Variants in TBCD observed in about 807,000 individuals in gnomAD.
TBCD encodes tubulin-specific chaperone D.
In TBCD, 105 loss-of-function variants were observed where a neutral mutation model predicts 169.3. That is an observed-to-expected ratio of 0.62 (90% CI 0.53 to 0.73). The LOEUF (loss-of-function observed/expected upper bound fraction) is 0.73, where lower values mean the gene tolerates loss of function less well. TBCD is among the 30% of genes least tolerant of loss of function. The pLI is 0.00. For missense variants in TBCD, 1,444 were observed against 1,600.1 expected (o/e 0.90, Z 1.66); for synonymous variants, 700 against 643.9 (o/e 1.09, Z -1.32).
chr17:82,856,443 C>CAAAGAAAA (rs1207424441), intron 13 of TBCD, among the ~76,000 whole-genome samples: 1 of 151,514 alleles, frequency 6.6e-6, no homozygotes, highest in Non-Finnish European at 1.5e-5. Flanking sequence ...CCTGTCTCTA[C>CAAAGAAAA]AAAGAAAAAA....
Position 82,930,408 on chromosome 17 carries a change from T to C in TBCD, c.2992-114T>C. 1 of 1,442,150 alleles carries C rather than the reference T, an allele frequency of 6.9e-7. No individual in the cohort carries two copies. Among genetic ancestry groups the C allele is most frequent in the South Asian group, 1.4e-5 (1 of 71,840 alleles). 89.3% of individuals were successfully genotyped at this position (1,442,150 alleles called of 1,614,324 possible). A position where few individuals can be genotyped will look rare whatever the true frequency, so the allele number is the denominator to read the frequency against. The stretch of plus-strand genomic sequence containing the variant: ...CCGCTTGGGGCCAGACCTTCGCGTC[T>C]CTGCAGCTCGGAGCAGTTCTGCTCT... On this transcript the variant is annotated intron_variant, in intron 32 of 38. Transcript: ENST00000355528. This position sits in a 1 kb window ranked among gnomAD's most constrained non-coding sequence, Gnocchi z 5.2.
chr17:82,889,603 A>C lies in TBCD; in HGVS notation c.1534-65A>C. The C allele has an allele frequency of 6.2e-7, 1 of 1,604,154 alleles. No individual in the cohort carries two copies. ...ATTCACGTTGTGCTGTTTGTTCTGAACTTGCCTCTGGTGTTGGCGGAAGCT... is the reference window on the plus strand; with the variant it reads ...ATTCACGTTGTGCTGTTTGTTCTGACCTTGCCTCTGGTGTTGGCGGAAGCT... On this transcript the variant is annotated intron_variant, in intron 15 of 38. Coordinates refer to ENST00000355528, the MANE Select transcript of TBCD (RefSeq NM_005993.5). The surrounding 1 kb of genome is among the most constrained non-coding windows in gnomAD (Gnocchi z 5.3).
intron 13 of TBCD, among the ~76,000 whole-genome samples, chr17:82,842,844 G>A (rs1598865942): frequency 1.4e-5 from 2 of 147,596 alleles, no homozygotes; most frequent in East Asian, 2.0e-4. Context: ...GCAGTGGCGC[G>A]ATCTCGGCTC....
intron 13 of TBCD, among the ~76,000 whole-genome samples, chr17:82,851,660 T>G: frequency 1.3e-5 from 2 of 151,482 alleles, no homozygotes; most frequent in Admixed American, 6.6e-5. Context: ...ATGAAGGAGG[T>G]GGAAGACAAA....
chr17:82,930,751 A>T lies in TBCD; in HGVS notation c.3113+108A>T. The T allele has an allele frequency of 6.6e-7, 1 of 1,525,846 alleles. No homozygotes were observed. The highest frequency in any genetic ancestry group is 8.9e-7 in the Non-Finnish European group (1 of 1,125,496). 94.5% of individuals were successfully genotyped at this position (1,525,846 alleles called of 1,614,324 possible). The stretch of plus-strand genomic sequence containing the variant: ...CAGGGTCTGTCTGGGGTCTGAAGGG[A>T]GAAGCGAGACACACGCTGTACCAGT... On this transcript the variant is annotated intron_variant, in intron 33 of 38. Transcript: ENST00000355528. The surrounding 1 kb of genome is among the most constrained non-coding windows in gnomAD (Gnocchi z 5.2).
chr17:82,861,356 C>CGCTGGTTCACGTCAGCT (rs869277723), intron 13 of TBCD, among the ~76,000 whole-genome samples: 1 of 3,752 alleles, frequency 2.7e-4, no homozygotes, highest in African/African-American at 1.1e-3. Context: ...TCACGTCAGC[C>CGCTGGTTCACGTCAGCT]GCTGGTTCAC....
chr17:82,764,811 G>A (rs1374437673), intron 3 of TBCD, among the ~76,000 whole-genome samples: 2 of 111,328 alleles, frequency 1.8e-5, no homozygotes, highest in Non-Finnish European at 3.5e-5. Context: ...GCTTGCGGGT[G>A]TCTGTGCTCA....
chr17:82,789,689 C>A lies in TBCD; in HGVS notation c.771+7968C>A, dbSNP rs1448139003. On this transcript the variant is annotated intron_variant, in intron 7 of 38. Coordinates refer to ENST00000355528, the MANE Select transcript of TBCD (RefSeq NM_005993.5). The surrounding 1 kb of genome is among the most constrained non-coding windows in gnomAD (Gnocchi z 4.8). ...GCACCTTCCCTCTAAGGCAGATGTCCCTCAGGCTTTGGTCCTGGCTGTTGA... is the reference window on the plus strand; with the variant it reads ...GCACCTTCCCTCTAAGGCAGATGTCACTCAGGCTTTGGTCCTGGCTGTTGA... Among the ~76,000 whole-genome samples the A allele has an allele frequency of 1.3e-5, 2 of 152,228 alleles. No homozygotes were observed. The highest frequency in any genetic ancestry group is 4.8e-5 in the African/African-American group (2 of 41,460).
intron 2 of TBCD, among the ~76,000 whole-genome samples, chr17:82,759,888 G>GTTTTTTTTT (rs71885635): frequency 8.2e-6 from 1 of 121,502 alleles, no homozygotes; most frequent in African/African-American, 3.0e-5. Flanking sequence ...TCGTTTGTTT[G>GTTTTTTTTT]TTTTTTTTTT....
chr17:82,824,218 A>G (rs1355148094), intron 13 of TBCD, among the ~76,000 whole-genome samples: 4 of 151,664 alleles, frequency 2.6e-5, no homozygotes, highest in African/African-American at 7.3e-5. Context: ...GTCTTGCTCT[A>G]TCACCCAGGC....
chr17:82,920,482 G>A lies in TBCD; in HGVS notation c.2039-74G>A. 1 of 1,337,700 alleles carries A rather than the reference G, an allele frequency of 7.5e-7. No homozygotes were observed. Among genetic ancestry groups the A allele is most frequent in the Non-Finnish European group, 1.0e-6 (1 of 974,102 alleles). The allele number at this position is 1,337,700 out of a possible 1,614,324, so 82.9% of individuals were successfully genotyped here. A position where few individuals can be genotyped will look rare whatever the true frequency, so the allele number is the denominator to read the frequency against. On this transcript the variant is annotated intron_variant, in intron 23 of 38. Transcript: ENST00000355528. This position sits in a 1 kb window ranked among gnomAD's most constrained non-coding sequence, Gnocchi z 4.1. ...CTGGCCGCACACAACTCAGAATGTGGCAAAGGCAAGCCGCTGTGGCAGGCG... is the reference window on the plus strand; with the variant it reads ...CTGGCCGCACACAACTCAGAATGTGACAAAGGCAAGCCGCTGTGGCAGGCG...
intron 13 of TBCD, among the ~76,000 whole-genome samples, chr17:82,861,876 A>T (rs1452446722): frequency 1.3e-5 from 2 of 152,154 alleles, no homozygotes; most frequent in Non-Finnish European, 2.9e-5. Context: ...GTTTAAAATT[A>T]TTAAGAGGTA....
intron 22 of TBCD, among the ~76,000 whole-genome samples, chr17:82,909,936 C>T (rs565049226): frequency 2.0e-5 from 3 of 152,148 alleles, no homozygotes; most frequent in African/African-American, 2.4e-5. Context: ...AATTTGCTAC[C>T]GAGGGTGTCA....
intron 13 of TBCD, among the ~76,000 whole-genome samples, chr17:82,845,125 C>CA (rs2054900640): frequency 1.3e-5 from 2 of 152,106 alleles, no homozygotes; most frequent in Non-Finnish European, 1.5e-5. Flanking sequence ...GCCTCTGTGT[C>CA]AGGGCCTCTT....
At chr17:82,897,620 C>T (rs974569730) in intron 17 of TBCD, among the ~76,000 whole-genome samples, 4 of 152,044 alleles carry the variant, frequency 2.6e-5, no homozygotes, top group African/African-American at 9.7e-5. Context: ...TTAAGTGTGG[C>T]AGCGGGTTTG....
intron 13 of TBCD, among the ~76,000 whole-genome samples, chr17:82,845,257 C>G (rs2054915905): frequency 6.6e-6 from 1 of 152,134 alleles, no homozygotes. Flanking sequence ...CCAGCTCAGC[C>G]CCTTCCTGTC....
chr17:82,824,267 C>T (rs1482077966), intron 13 of TBCD, among the ~76,000 whole-genome samples: 11 of 150,872 alleles, frequency 7.3e-5, no homozygotes, highest in Admixed American at 5.9e-4. Context: ...CTGCAAGCTC[C>T]GCCTCCCAGG....
Position 82,942,430 on chromosome 17 carries a change from T to C in TBCD, c.3565-19T>C. ...GTGTTGGAGCTGACCAGCCTGAGCT[T>C]GTCTTGTCTCTTCTTCAGCCTGGTG... On this transcript the variant is annotated intron_variant, in intron 38 of 38. Transcript: ENST00000355528. 1 of 1,613,932 alleles carries C rather than the reference T, an allele frequency of 6.2e-7. No individual in the cohort carries two copies.
rs1230981544 is a variant in TBCD, at chr17:82,945,229, A to G, written c.*2766A>G. ...GAAGAGAGAATTAGAAAACTGGAAGATCTGAAAACATTATCCAGAGAACTG... is the reference window on the plus strand; with the variant it reads ...GAAGAGAGAATTAGAAAACTGGAAGGTCTGAAAACATTATCCAGAGAACTG... On this transcript the variant is annotated 3_prime_UTR_variant, in exon 39 of 39. Transcript: ENST00000355528. 2.0e-5 allele frequency: 3 copies of G among 152,256 alleles called. No homozygotes were observed. Among genetic ancestry groups the G allele is most frequent in the Admixed American group, 2.0e-4 (3 of 15,292 alleles). The allele number at this position is 152,256 out of a possible 1,614,324, so 9.4% of individuals were successfully genotyped here.
Sources: gnomAD v4.1 joint callset for allele counts (sites outside exome capture counted in the v4.1 genomes callset) on GRCh38, gnomAD v4.1.1 for gene constraint, Gnocchi (gnomAD v3.1) non-coding constraint, MANE v1.5 for transcripts, NCBI Gene and HGNC (gene_info 2026-07-23, HGNC 2026-07-21) for gene names.